The following DAB1 variants were observed in gnomAD, a reference collection of about 807,000 sequenced individuals.
DAB1 encodes the protein disabled homolog 1.
In DAB1, 15 loss-of-function variants were observed where a neutral mutation model predicts 64.6. The observed-to-expected ratio is 0.23, with a 90% confidence interval of 0.16 to 0.36. The LOEUF (loss-of-function observed/expected upper bound fraction) is 0.36. Among genes scored for constraint, DAB1 ranks in the 10% least tolerant of loss-of-function variants. The probability of loss-of-function intolerance (pLI) is 1.00; values close to 1 mark genes in which losing one functional copy is unlikely to be tolerated. For missense variants in DAB1, 596 were observed against 706.7 expected, an observed-to-expected ratio of 0.84 and a Z score of 1.78; for synonymous variants, 235 against 251.9, an observed-to-expected ratio of 0.93 and a Z score of 0.64.
rs557227585 is a variant in DAB1 at position 57,280,691 on chromosome 1, C to T, written c.67+10273G>A. Among the ~76,000 whole-genome samples the T allele has an allele frequency of 1.2e-4, 19 of 152,256 alleles. 1 individual carries two copies. Among genetic ancestry groups the T allele is most frequent in the South Asian group, 1.2e-3 (6 of 4,826 alleles). On this transcript the variant is annotated intron_variant, in intron 2 of 14. Transcript: ENST00000371236. ...CTTACTACCAATATGGCCTACATCA[C>T]GGTAAATTACAGCACCAGACATGAT...
rs1231076633 is a variant in DAB1, at chr1:57,665,833, CT to C, written n.552-16169del. ...ACAGGATTGGTTTTTTTTTTCTTCC[CT>C]TTTTTTTTAATTATCTGTGTGTGTG... is the stretch of plus-strand genomic sequence containing the variant. On this transcript the variant is annotated intron_variant and non_coding_transcript_variant, in intron 6 of 20. Coordinates refer to the DAB1 transcript ENST00000485760. Among the ~76,000 whole-genome samples the C allele has an allele frequency of 5.5e-3, 750 of 137,458 alleles. 9 individuals carry two copies. The highest frequency in any genetic ancestry group is 0.019 in the African/African-American group (714 of 36,940). 90.2% of individuals were successfully genotyped at this position (137,458 alleles called of 152,430 possible).
intron 1 of DAB1, among the ~76,000 whole-genome samples, chr1:58,537,642 C>T (rs1569976150): frequency 6.6e-6 from 1 of 152,244 alleles, no homozygotes; most frequent in African/African-American, 2.4e-5. Context: ...AAAATCACAA[C>T]AAAAATTTAC....
upstream of DAB1, among the ~76,000 whole-genome samples, chr1:57,427,499 T>C (rs1306120899): frequency 6.6e-6 from 1 of 152,194 alleles, no homozygotes; most frequent in Non-Finnish European, 1.5e-5. Flanking sequence ...CTGGTTGACC[T>C]ATCATGGAAA....
intron 4 of DAB1, among the ~76,000 whole-genome samples, chr1:58,293,850 G>T (rs1403638883): frequency 6.6e-6 from 1 of 152,184 alleles, no homozygotes; most frequent in Non-Finnish European, 1.5e-5. Context: ...GTAATAAATG[G>T]ATATTTTGGT....
intron 7 of DAB1, among the ~76,000 whole-genome samples, chr1:57,468,055 T>C (rs74074736): frequency 0.041 from 6,310 of 152,274 alleles, 206 homozygotes; most frequent in East Asian, 0.17. Flanking sequence ...CATGCCCTTA[T>C]TGGAATATTC....
intron 5 of DAB1, among the ~76,000 whole-genome samples, chr1:58,147,020 C>A (rs115712566): frequency 0.05 from 7,679 of 152,126 alleles, 230 homozygotes; most frequent in Admixed American, 0.078. Context: ...AATAGTATAG[C>A]CATTGGCTAG....
intron 3 of DAB1, among the ~76,000 whole-genome samples, chr1:58,347,801 A>G (rs900868667): frequency 7.3e-6 from 1 of 136,822 alleles, no homozygotes; most frequent in African/African-American, 2.4e-5. Context: ...GGAGGGAAAG[A>G]GAAGCTAACT....
intron 2 of DAB1, among the ~76,000 whole-genome samples, chr1:57,181,727 G>T (rs1662957284): frequency 6.6e-6 from 1 of 152,208 alleles, no homozygotes; most frequent in South Asian, 2.1e-4. Context: ...GAATAAGGAA[G>T]TCTGGCAAGG....
At chr1:57,248,928 G>A (rs920369963) in intron 2 of DAB1, among the ~76,000 whole-genome samples, 2 of 152,162 alleles carry the variant, frequency 1.3e-5, no homozygotes, top group African/African-American at 4.8e-5. Context: ...CACTATCATA[G>A]GTCTCAGGAT....
intron 7 of DAB1, among the ~76,000 whole-genome samples, chr1:57,618,016 A>T (rs1484982409): frequency 6.6e-6 from 1 of 152,208 alleles, no homozygotes; most frequent in Non-Finnish European, 1.5e-5. Context: ...GGATTTCTGG[A>T]CTAGAACAAA....
intron 2 of DAB1, among the ~76,000 whole-genome samples, chr1:57,161,088 G>A (rs536908583): frequency 2.6e-5 from 4 of 152,234 alleles, no homozygotes; most frequent in South Asian, 2.1e-4. Flanking sequence ...GTGTCCTACA[G>A]CAAATCTTTG....
chr1:57,852,683 C>T (rs775383743), intron 1 of DAB1, among the ~76,000 whole-genome samples: 6 of 152,150 alleles, frequency 3.9e-5, no homozygotes, highest in Non-Finnish European at 7.3e-5. Flanking sequence ...ATTTTAATCA[C>T]TACATGGCTC....
chr1:58,118,857 A>G (rs1466304783), intron 5 of DAB1, among the ~76,000 whole-genome samples: 2 of 151,808 alleles, frequency 1.3e-5, no homozygotes. Context: ...ACCCATGCTC[A>G]TAACCACTAC....
intron 6 of DAB1, among the ~76,000 whole-genome samples, chr1:57,812,316 T>A (rs1202818205): frequency 1.9e-5 from 2 of 104,366 alleles, no homozygotes; most frequent in Non-Finnish European, 1.8e-5. Context: ...TGGGATTCAT[T>A]GCCAAAAAAA....
At chr1:57,457,269 C>T (rs897846530) in intron 7 of DAB1, among the ~76,000 whole-genome samples, 2 of 152,120 alleles carry the variant, frequency 1.3e-5, no homozygotes, top group African/African-American at 4.8e-5. Context: ...GAACTGTGTG[C>T]ACCAACCTGT....
At chr1:57,177,717 T>C (rs1026799205) in intron 2 of DAB1, among the ~76,000 whole-genome samples, 1 of 152,186 alleles carries the variant, frequency 6.6e-6, no homozygotes. Context: ...TTTTATTTTG[T>C]TTTGGTTTGG....
chr1:57,230,127 A>G lies in DAB1; in HGVS notation c.67+60837T>C, dbSNP rs181652138. Among the ~76,000 whole-genome samples the G allele has an allele frequency of 5.9e-5, 9 of 152,368 alleles. No individual in the cohort carries two copies. In the East Asian group the frequency reaches 1.7e-3, roughly 29 times the overall value. ...CCCACATAGTCTTTCTTGTGATTAC[A>G]GATGATTTCTCTAGCAAGTTAAAAT... On this transcript the variant is annotated intron_variant, in intron 2 of 14. Coordinates refer to ENST00000371236, the MANE Select transcript of DAB1 (RefSeq NM_001365792.1).
intron 4 of DAB1, among the ~76,000 whole-genome samples, chr1:58,330,474 A>G (rs1012383474): frequency 3.9e-5 from 6 of 152,242 alleles, no homozygotes; most frequent in African/African-American, 7.2e-5. Context: ...GTACTAAATA[A>G]CATATTTTCA....
At chr1:58,415,919 G>A (rs949815159) in intron 3 of DAB1, among the ~76,000 whole-genome samples, 22 of 152,320 alleles carry the variant, frequency 1.4e-4, no homozygotes, top group African/African-American at 4.8e-4. Context: ...GTTATAATTA[G>A]ACCTCTCCTC....
Sources: gnomAD v4.1 joint callset for allele counts (sites outside exome capture counted in the v4.1 genomes callset) on GRCh38, gnomAD v4.1.1 for gene constraint, MANE v1.5 for transcripts, NCBI Gene and HGNC (gene_info 2026-07-23, HGNC 2026-07-21) for gene names.